THADA: variants seen among roughly 807,000 people sequenced by gnomAD.
The protein encoded by THADA is tRNA (32-2'-O)-methyltransferase regulator THADA.
THADA carries 213 observed loss-of-function variants against 219.8 expected under a neutral mutation model. That is an observed-to-expected ratio of 0.97 (90% CI 0.87 to 1.09). The LOEUF (loss-of-function observed/expected upper bound fraction) is 1.09, where lower values mean the gene tolerates loss of function less well. THADA is among the 50% of genes least tolerant of loss of function. The pLI is 0.00. For synonymous variants in THADA, 1,018 were observed against 828.9 expected, an observed-to-expected ratio of 1.23 and a Z score of -3.92; for missense variants, 2,956 against 2,311.3, an observed-to-expected ratio of 1.28 and a Z score of -5.72.
chr2:43,554,882 T>C (rs1258928009), intron 17 of THADA, among the ~76,000 whole-genome samples: 2 of 152,220 alleles, frequency 1.3e-5, no homozygotes, highest in Non-Finnish European at 2.9e-5. Context: ...TCAGATTTTA[T>C]ATTTTTTCAG....
rs1699293705 is a variant in THADA at position 43,571,491 on chromosome 2, G to A, written c.2064+216C>T. Among the ~76,000 whole-genome samples, 5 of 151,986 alleles carry A rather than the reference G, an allele frequency of 3.3e-5. No homozygotes were observed. In the South Asian group the frequency reaches 8.3e-4, roughly 25 times the overall value. On this transcript the variant is annotated intron_variant, in intron 13 of 37. Transcript: ENST00000405975. ...GATTCTGAACTCCTGAAAAAAAATG[G>A]TGGGGGGAGGGGTGCGTGCTTTTCA...
intron 24 of THADA, among the ~76,000 whole-genome samples, chr2:43,504,169 A>G (rs1689367585): frequency 6.6e-6 from 1 of 152,240 alleles, no homozygotes; most frequent in African/African-American, 2.4e-5. Flanking sequence ...CTAGGAAAAT[A>G]GAACCAATTA....
rs867048165 is a variant in THADA at position 43,297,533 on chromosome 2, G to A, written c.4439-4320C>T. The stretch of plus-strand genomic sequence containing the variant: ...GCCCCCCCGCCCGGCCAGCCGTGCC[G>A]TCCGGGAGGGAGGTGGGGGGGTCAG... On this transcript the variant is annotated intron_variant, in intron 31 of 37. Transcript: ENST00000405975. Among the ~76,000 whole-genome samples the A allele has an allele frequency of 7.8e-3, 756 of 96,458 alleles. 2 individuals are homozygous for A. The highest frequency in any genetic ancestry group is 0.02 in the South Asian group (52 of 2,548). 63.3% of individuals were successfully genotyped at this position (96,458 alleles called of 152,430 possible). A position where few individuals can be genotyped will look rare whatever the true frequency, so the allele number is the denominator to read the frequency against.
chr2:43,546,968 A>C (rs1328033250), intron 20 of THADA, among the ~76,000 whole-genome samples: 4 of 151,890 alleles, frequency 2.6e-5, no homozygotes, highest in African/African-American at 9.7e-5. Flanking sequence ...TCCTAGCCTC[A>C]ATGGTCTTTA....
At chr2:43,441,679 TA>T (rs1163080159) in intron 26 of THADA, among the ~76,000 whole-genome samples, 1 of 152,214 alleles carries the variant, frequency 6.6e-6, no homozygotes, top group African/African-American at 2.4e-5. Flanking sequence ...TCACCATTTA[TA>T]ATAGTGTCTC....
At chr2:43,483,025 A>G (rs924752183) in intron 26 of THADA, among the ~76,000 whole-genome samples, 1 of 152,194 alleles carries the variant, frequency 6.6e-6, no homozygotes, top group African/African-American at 2.4e-5. Flanking sequence ...GTTTACTCCA[A>G]GTCAGACCTT....
chr2:43,275,392 G>C (rs1196099639), intron 36 of THADA, among the ~76,000 whole-genome samples: 2 of 152,154 alleles, frequency 1.3e-5, no homozygotes, highest in Non-Finnish European at 2.9e-5. Context: ...GAAGCCGAAA[G>C]AGCAAGAAAG....
chr2:43,419,913 C>T (rs1416879248), intron 28 of THADA, among the ~76,000 whole-genome samples: 1 of 152,200 alleles, frequency 6.6e-6, no homozygotes, highest in Non-Finnish European at 1.5e-5. Flanking sequence ...ACCAAAGGTG[C>T]ACCATCAATG....
At chr2:43,541,132 A>G (rs187128230) in intron 21 of THADA, 27 bp downstream of exon 21, 3 of 1,495,162 alleles carry the variant, frequency 2.0e-6, no homozygotes, top group Admixed American at 2.6e-5. Flanking sequence ...CAGAAATTAT[A>G]CATGGTGGAA....
chr2:43,496,717 A>C (rs957468943), intron 25 of THADA, among the ~76,000 whole-genome samples: 5 of 152,154 alleles, frequency 3.3e-5, no homozygotes, highest in Admixed American at 1.3e-4. Context: ...GAACTTGTGC[A>C]TGGCTGATGG....
intron 4 of THADA, among the ~76,000 whole-genome samples, chr2:43,590,488 A>G (rs929071310): frequency 2.6e-5 from 4 of 151,954 alleles, no homozygotes; most frequent in African/African-American, 7.3e-5. Context: ...CATCCTGGCT[A>G]TCATGGTGAA....
chr2:43,517,824 A>T (rs1344812548), intron 22 of THADA, among the ~76,000 whole-genome samples: 1 of 152,114 alleles, frequency 6.6e-6, no homozygotes, highest in East Asian at 1.9e-4. Context: ...TTTCCCAGGG[A>T]GCAAAAAATC....
intron 28 of THADA, among the ~76,000 whole-genome samples, chr2:43,418,518 G>A (rs1420120398): frequency 6.6e-6 from 1 of 152,110 alleles, no homozygotes; most frequent in Admixed American, 6.5e-5. Flanking sequence ...CATTGTACTA[G>A]GCCCTAAAAG....
At chr2:43,526,407 G>A (rs1485853393) in intron 22 of THADA, among the ~76,000 whole-genome samples, 2 of 152,148 alleles carry the variant, frequency 1.3e-5, no homozygotes, top group African/African-American at 4.8e-5. Context: ...CACCACTACA[G>A]GAAGGAGGTT....
rs202039985 is a variant in THADA at position 43,541,333 on chromosome 2, C to T, written c.3107-17G>A. ...CTTCTTTACCTTAAACAAAAAAAAA[C>T]ACAACGATTGCAACCTTGATTACTC... On this transcript the variant is annotated splice_polypyrimidine_tract_variant and intron_variant, in intron 20 of 37. Coordinates refer to ENST00000405975, the MANE Select transcript of THADA (RefSeq NM_022065.5). 1.9e-6 allele frequency: 3 copies of T among 1,608,540 alleles called. No homozygotes were observed. The highest frequency in any genetic ancestry group is 2.5e-6 in the Non-Finnish European group (3 of 1,177,508).
At chr2:43,561,871 T>C (rs975913509) in intron 15 of THADA, among the ~76,000 whole-genome samples, 2 of 152,226 alleles carry the variant, frequency 1.3e-5, no homozygotes, top group Non-Finnish European at 2.9e-5. Context: ...GAGTGTGATG[T>C]TACCTGTGGT....
At chr2:43,390,183 C>T (rs1340755010) in intron 29 of THADA, among the ~76,000 whole-genome samples, 2 of 152,182 alleles carry the variant, frequency 1.3e-5, no homozygotes, top group Admixed American at 1.3e-4. Flanking sequence ...CCATGACAGA[C>T]TGACGGTATT....
chr2:43,360,961 C>A (rs1446889537), intron 29 of THADA, among the ~76,000 whole-genome samples: 2 of 152,112 alleles, frequency 1.3e-5, no homozygotes, highest in African/African-American at 4.8e-5. Flanking sequence ...CAGGAGACAT[C>A]TGACAATATC....
intron 26 of THADA, among the ~76,000 whole-genome samples, chr2:43,463,860 G>A (rs1001122742): frequency 2.6e-5 from 4 of 152,152 alleles, no homozygotes; most frequent in Non-Finnish European, 4.4e-5. Flanking sequence ...TCCTCTCAGT[G>A]CTCCAGACAC....
Sources: gnomAD v4.1 joint callset for allele counts (sites outside exome capture counted in the v4.1 genomes callset) on GRCh38, gnomAD v4.1.1 for gene constraint, MANE v1.5 for transcripts, NCBI Gene and HGNC (gene_info 2026-07-23, HGNC 2026-07-21) for gene names.